AARS1: variants seen among roughly 807,000 people sequenced by gnomAD.
The protein encoded by AARS1 is alanyl-tRNA synthetase 1.
Under a neutral mutation model 108.9 loss-of-function variants are expected in AARS1, and 72 were observed. The ratio of observed to expected loss-of-function variants is 0.66; its 90% CI spans 0.55 to 0.80. The LOEUF (loss-of-function observed/expected upper bound fraction) is 0.80, where lower values mean the gene tolerates loss of function less well. AARS1 is among the 30% of genes least tolerant of loss of function. AARS1 has a pLI of 0.00. For synonymous variants in AARS1, 489 were observed against 465.7 expected, an observed-to-expected ratio of 1.05 and a Z score of -0.64; for missense variants, 1,193 against 1,233.2, an observed-to-expected ratio of 0.97 and a Z score of 0.49.
chr16:70,262,996 A>AAAAAC lies in AARS1; in HGVS notation c.1493-473_1493-472insGTTTT, dbSNP rs1555540563. 2.4e-3 allele frequency among the ~76,000 whole-genome samples: 315 copies of AAAAAC among 128,978 alleles called. 3 individuals carry two copies. Among genetic ancestry groups the AAAAAC allele is most frequent in the Non-Finnish European group, 3.5e-3 (223 of 63,410 alleles). The allele number at this position is 128,978 out of a possible 152,430, so 84.6% of individuals were successfully genotyped here. A position where few individuals can be genotyped will look rare whatever the true frequency, so the allele number is the denominator to read the frequency against. On this transcript the variant is annotated intron_variant, in intron 11 of 20. Coordinates refer to ENST00000261772, the MANE Select transcript of AARS1 (RefSeq NM_001605.3). ...AAAAAAAAAAAAAAAAAAAAAAAAAAAACAACAACAACAAAGGGCTTCGCA... is the reference window on the plus strand; with the variant it reads ...AAAAAAAAAAAAAAAAAAAAAAAAAAAAAACAACAACAACAACAAAGGGCTTCGCA...
intron 1 of AARS1, among the ~76,000 whole-genome samples, chr16:70,286,362 ATTTT>A (rs1000406265): frequency 8.1e-4 from 95 of 117,096 alleles, no homozygotes; most frequent in Non-Finnish European, 1.3e-3. Context: ...CTCCACAGGA[ATTTT>A]TTTTTTTTTT....
intron 1 of AARS1, among the ~76,000 whole-genome samples, chr16:70,286,980 G>A (rs985804773): frequency 1.1e-4 from 17 of 149,950 alleles, no homozygotes; most frequent in African/African-American, 2.9e-4. Flanking sequence ...GGCCGGGCGC[G>A]GTGGCTCACG....
At chr16:70,269,322 G>GAAAAAAAA (rs56394253) in intron 7 of AARS1, among the ~76,000 whole-genome samples, 42 of 64,260 alleles carry the variant, frequency 6.5e-4, no homozygotes, top group East Asian at 1.0e-3. Flanking sequence ...TTCTGTCTCA[G>GAAAAAAAA]AAAAAAAAAA....
chr16:70,254,687 T>A lies in AARS1; in HGVS notation c.2334A>T (p.Glu778Asp). The change falls in exon 17 of 21, where the codon GAA (glutamate) becomes GAT (aspartate). Residue 778 changes from glutamate to aspartate, a missense_variant. Transcript: ENST00000261772. ...ESLKKCLSVM[E>D]AKVKAQTAPN... ...GAGCAGTCTGAGCCTTCACTTTGGC[T>A]TCCATGACAGAGAGACATTTCTTCA... is the stretch of plus-strand genomic sequence containing the variant. 1 of 1,614,106 alleles carries A rather than the reference T, an allele frequency of 6.2e-7. No homozygotes were observed.
rs181264712 is a variant in AARS1, at chr16:70,268,298, C to T, written c.1044G>A (p.Thr348=). The T allele has an allele frequency of 1.4e-5, 22 of 1,614,168 alleles. No homozygotes were observed. The highest frequency in any genetic ancestry group is 2.7e-5 in the African/African-American group (2 of 75,066). The change falls in exon 8 of 21, where the codon ACG becomes ACA. Residue 348 remains threonine, a synonymous_variant. Transcript: ENST00000261772. ...GGGACTGGACGACAACATCCACTAA[C>T]GTAGCAAAGAAGCCCCTGCTGGCAT... The part of the protein sequence containing the change: ...KLNASRGFFA[T]LVDVVVQSLG...
At position 70,277,158 on chromosome 16, in the gene AARS1, A is replaced by C. The variant is rs771322532; in HGVS notation, c.145-4T>G. On this transcript the variant is annotated splice_region_variant and splice_polypyrimidine_tract_variant and intron_variant, in intron 2 of 20. Transcript: ENST00000261772. ...TGTTCAGGAAAATGGGTTTAAACTA[A>C]AAGAGAAGGACAGCAGTTCAACTTT... 12 of 1,613,938 alleles carry C rather than the reference A, an allele frequency of 7.4e-6. No individual in the cohort carries two copies. The South Asian group carries it at 1.3e-4, about 18-fold the overall frequency.
chr16:70,271,519 A>C (rs1315437617), intron 5 of AARS1, among the ~76,000 whole-genome samples: 1 of 150,364 alleles, frequency 6.7e-6, no homozygotes, highest in African/African-American at 2.5e-5. Context: ...CAAGAGGAAA[A>C]CTCTGTCTCA....
chr16:70,252,728 T>A lies in AARS1; in HGVS notation c.2900A>T (p.Lys967Met), dbSNP rs35744709. The part of the protein sequence containing the change: ...SFAQLRLGDV[K>M]N Reference sequence around the variant, plus strand: ...AGCCTCCTCCTTCCCCACTCAGTTCTTTACATCCCCGAGGCGCAGCTGGGC... The same window carrying A: ...AGCCTCCTCCTTCCCCACTCAGTTCATTACATCCCCGAGGCGCAGCTGGGC... The change falls in exon 21 of 21, where the codon AAG (lysine) becomes ATG (methionine). Residue 967 changes from lysine (K) to methionine (M), a missense_variant. Coordinates refer to ENST00000261772, the MANE Select transcript of AARS1 (RefSeq NM_001605.3). The A allele has an allele frequency of 0.012, 19,404 of 1,614,088 alleles. 157 individuals are homozygous for A. The highest frequency in any genetic ancestry group is 0.014 in the Non-Finnish European group (16,349 of 1,180,032).
intron 6 of AARS1, 148 bp downstream of exon 6, chr16:70,270,048 C>A: frequency 9.6e-7 from 1 of 1,036,376 alleles, no homozygotes; most frequent in Non-Finnish European, 1.5e-6. Context: ...ATTTGTGGAG[C>A]CTCACATTAT....
intron 9 of AARS1, among the ~76,000 whole-genome samples, chr16:70,267,132 A>T (rs1960283049): frequency 1.3e-5 from 2 of 152,130 alleles, no homozygotes; most frequent in African/African-American, 4.8e-5. Context: ...CACCACACCC[A>T]GCTGACAAAT....
Position 70,279,670 on chromosome 16 carries a change from CAAAAAA to C in AARS1, c.145-2522_145-2517del, listed in dbSNP as rs367753826. On this transcript the variant is annotated intron_variant, in intron 2 of 20. Transcript: ENST00000261772. ...AGCAAAACTCTGTCTCAAAAAAAAA[CAAAAAA>C]AAAAAAAAAAAGAAAAGTTTACAAA... Among the ~76,000 whole-genome samples the C allele has an allele frequency of 9.6e-5, 11 of 114,580 alleles. 1 individual carries two copies. The highest frequency in any genetic ancestry group is 3.0e-4 in the Admixed American group (3 of 9,914). 75.2% of individuals were successfully genotyped at this position (114,580 alleles called of 152,430 possible).
At chr16:70,288,082 C>T (rs1054421424) in intron 1 of AARS1, among the ~76,000 whole-genome samples, 28 of 139,292 alleles carry the variant, frequency 2.0e-4, no homozygotes, top group Non-Finnish European at 3.5e-4. Context: ...TTATTTAAGA[C>T]AGCCTTCCCC....
intron 20 of AARS1, 37 bp downstream of exon 20, chr16:70,253,231 G>C: frequency 6.5e-7 from 1 of 1,527,882 alleles, no homozygotes; most frequent in Non-Finnish European, 9.1e-7. Context: ...ACAACCTTAA[G>C]ACCTAACACT....
intron 12 of AARS1, 77 bp downstream of exon 12, chr16:70,262,269 A>T: frequency 6.4e-7 from 1 of 1,572,632 alleles, no homozygotes; most frequent in Admixed American, 1.7e-5. Flanking sequence ...CAAGGCCTGG[A>T]GCACTGTGGG....
intron 1 of AARS1, among the ~76,000 whole-genome samples, chr16:70,285,802 G>A (rs1567613855): frequency 1.3e-5 from 2 of 152,070 alleles, no homozygotes; most frequent in Admixed American, 6.6e-5. Context: ...CGCTGGTCTC[G>A]AACTCCTGGC....
chr16:70,284,331 G>C (rs911776336), intron 1 of AARS1, among the ~76,000 whole-genome samples: 1 of 149,334 alleles, frequency 6.7e-6, no homozygotes, highest in Non-Finnish European at 1.5e-5. Flanking sequence ...GGCCGGGCGC[G>C]GTGGCTCACG....
chr16:70,271,548 A>C (rs569847091), intron 5 of AARS1, among the ~76,000 whole-genome samples: 4 of 152,156 alleles, frequency 2.6e-5, no homozygotes, highest in East Asian at 3.9e-4. Context: ...AAAAAAAAAA[A>C]CAGCAGCCCG....
At position 70,269,915 on chromosome 16, in the gene AARS1, TAG is replaced by T. The variant is rs140639021; in HGVS notation, c.817-154_817-153del. 16,876 of 1,084,342 alleles carry T rather than the reference TAG, an allele frequency of 0.016. 1,918 individuals are homozygous for T. In the African/African-American group the frequency reaches 0.24, roughly 15 times the overall value. 67.2% of individuals were successfully genotyped at this position (1,084,342 alleles called of 1,614,324 possible). A position where few individuals can be genotyped will look rare whatever the true frequency, so the allele number is the denominator to read the frequency against. ...CCCCAAGAACGTGACATTGGGGAAG[TAG>T]AGAGACTCCAGCCAGCCCCTACACT... On this transcript the variant is annotated intron_variant, in intron 6 of 20. Transcript: ENST00000261772.
chr16:70,262,750 C>G (rs1960165036), intron 11 of AARS1, among the ~76,000 whole-genome samples: 1 of 151,616 alleles, frequency 6.6e-6, no homozygotes, highest in Admixed American at 6.6e-5. Flanking sequence ...AGGCGGATCA[C>G]GGGGTCAAGA....
Sources: gnomAD v4.1 joint callset for allele counts (sites outside exome capture counted in the v4.1 genomes callset) on GRCh38, gnomAD v4.1.1 for gene constraint, MANE v1.5 for transcripts, NCBI Gene and HGNC (gene_info 2026-07-23, HGNC 2026-07-21) for gene names.